Variants in TOR1AIP2 observed in about 807,000 individuals in gnomAD.
TOR1AIP2 encodes torsin 1A interacting protein 2, also known as torsin-1A-interacting protein 2.
A neutral mutation model predicts 32.6 loss-of-function variants in TOR1AIP2; 20 were observed. The ratio of observed to expected loss-of-function variants is 0.61; its 90% confidence interval spans 0.43 to 0.89. The LOEUF is 0.89. TOR1AIP2 is among the 40% of genes least tolerant of loss of function. The pLI, the probability that TOR1AIP2 is intolerant of heterozygous loss-of-function variation, is 0.00. For synonymous variants in TOR1AIP2, 214 were observed against 210.8 expected (o/e 1.02, Z -0.13); for missense variants, 456 against 553.8 (o/e 0.82, Z 1.77).
chr1:179,848,045 A>C (rs554764901), intron 5 of TOR1AIP2, among the ~76,000 whole-genome samples: 5 of 152,078 alleles, frequency 3.3e-5, no homozygotes, highest in East Asian at 1.9e-4. Flanking sequence ...AAAAAAAAAA[A>C]AAAAAAACCA....
chr1:179,846,579 C>G lies in TOR1AIP2; in HGVS notation c.905G>C (p.Arg302Pro), dbSNP rs754061455. Residue 302 changes from arginine (R) to proline (P), a missense_variant, in exon 7 of 7, where the codon CGG becomes CCG. By Grantham distance (103) the Arg-to-Pro change is moderately radical (BLOSUM62 -2). Transcript: ENST00000609928. ...GCACTTCAGGGTCTCTCTTCCCTCC[C>G]GAGCTGCTGTAAATATGATGGTGGC... The part of the protein sequence containing the change: ...EPATIIFTAA[R>P]EGRETLKCLS... The G allele has an allele frequency of 6.2e-7, 1 of 1,614,024 alleles. No homozygotes were observed. The highest frequency in any genetic ancestry group is 8.5e-7 in the Non-Finnish European group (1 of 1,180,036).
chr1:179,840,889 T>TATAGTAATAATAATAATAATA lies in TOR1AIP2; in HGVS notation c.*5181_*5182insTATTATTATTATTATTACTAT, dbSNP rs1553233706. 4.8e-5 allele frequency: 7 copies of TATAGTAATAATAATAATAATA among 146,748 alleles called. No individual in the cohort carries two copies. The highest frequency in any genetic ancestry group is 8.9e-5 in the Non-Finnish European group (6 of 67,128). 9.1% of individuals were successfully genotyped at this position (146,748 alleles called of 1,614,324 possible). A position where few individuals can be genotyped will look rare whatever the true frequency, so the allele number is the denominator to read the frequency against. On this transcript the variant is annotated 3_prime_UTR_variant, in exon 7 of 7. Transcript: ENST00000609928. ...TCCACATGTATCCCAGAACTTAAAC[T>TATAGTAATAATAATAATAATA]ATAATAATAATAATAATAATAATAA... is the stretch of plus-strand genomic sequence containing the variant.
chr1:179,868,175 T>G (rs1216446651), intron 2 of TOR1AIP2: 1 of 152,282 alleles, frequency 6.6e-6, no homozygotes, highest in Non-Finnish European at 1.5e-5. Flanking sequence ...AACACAGGAC[T>G]TCTTGGTTAT....
intron 2 of TOR1AIP2, chr1:179,868,430 C>G (rs1246218344): frequency 1.3e-5 from 2 of 152,128 alleles, no homozygotes; most frequent in South Asian, 4.1e-4. Context: ...TAAAATGTAA[C>G]TTGAATTCTT....
intron 2 of TOR1AIP2, chr1:179,867,785 CA>C (rs1268251673): frequency 9.2e-5 from 14 of 152,216 alleles, no homozygotes; most frequent in African/African-American, 3.4e-4. Flanking sequence ...TTCAGTTTTA[CA>C]ACTTCAAGAA....
At chr1:179,874,355 A>C (rs1000060533) in intron 2 of TOR1AIP2, 1 of 152,338 alleles carries the variant, frequency 6.6e-6, no homozygotes, top group East Asian at 1.9e-4. Context: ...TCAAGTTTGC[A>C]GTAAGCCATG....
intron 2 of TOR1AIP2, among the ~76,000 whole-genome samples, chr1:179,870,128 G>C (rs184945263): frequency 6.6e-5 from 10 of 152,320 alleles, no homozygotes; most frequent in Admixed American, 3.3e-4. Flanking sequence ...TGGGCACGGT[G>C]GTTTACGCCT....
intron 3 of TOR1AIP2, chr1:179,863,962 A>AAT (rs1696663755): frequency 1.0e-6 from 1 of 985,266 alleles, no homozygotes; most frequent in African/African-American, 1.7e-5. Flanking sequence ...GACTGTTCAT[A>AAT]ATATATATGA....
At chr1:179,860,436 G>T in intron 3 of TOR1AIP2, 1 of 977,828 alleles carries the variant, frequency 1.0e-6, no homozygotes, top group South Asian at 4.7e-5. Context: ...GAGCCATGAT[G>T]GCGCCACTGC....
chr1:179,848,044 A>G (rs971165336), intron 5 of TOR1AIP2, among the ~76,000 whole-genome samples: 2 of 151,932 alleles, frequency 1.3e-5, no homozygotes, highest in Non-Finnish European at 2.9e-5. Context: ...GAAAAAAAAA[A>G]AAAAAAAACC....
chr1:179,852,692 G>T lies in TOR1AIP2; in HGVS notation c.-27C>A. ...TTTGTGTTCTATCTCTTCAGAGTTG[G>T]GAGGATACTTTTTTTAGTACTTGGT... On this transcript the variant is annotated 5_prime_UTR_variant, in exon 4 of 7. Transcript: ENST00000609928. 1.9e-6 allele frequency: 3 copies of T among 1,613,826 alleles called. No individual in the cohort carries two copies. Among genetic ancestry groups the T allele is most frequent in the Non-Finnish European group, 2.5e-6 (3 of 1,179,868 alleles).
intron 2 of TOR1AIP2, among the ~76,000 whole-genome samples, chr1:179,873,529 A>G (rs988038901): frequency 3.0e-4 from 45 of 152,358 alleles, no homozygotes; most frequent in African/African-American, 1.1e-3. Context: ...TTGTTAACAT[A>G]GTACCTCCAC....
At chr1:179,852,436 T>C (rs1696152591) in intron 4 of TOR1AIP2, among the ~76,000 whole-genome samples, 196 bp downstream of exon 4, 1 of 152,232 alleles carries the variant, frequency 6.6e-6, no homozygotes, top group African/African-American at 2.4e-5. Flanking sequence ...TTTATCTTCC[T>C]TATATTATAA....
chr1:179,860,291 T>C, intron 3 of TOR1AIP2: 1 of 816,134 alleles, frequency 1.2e-6, no homozygotes, highest in Non-Finnish European at 1.5e-6. Context: ...AAGACCAGCT[T>C]GGGCAACATG....
intron 3 of TOR1AIP2, chr1:179,861,471 T>C (rs941980625): frequency 4.1e-6 from 4 of 972,120 alleles, no homozygotes; most frequent in Non-Finnish European, 4.9e-6. Flanking sequence ...AGGTATGTGA[T>C]GTTTGAAGGC....
intron 5 of TOR1AIP2, 93 bp from the exon 6 acceptor site, chr1:179,847,729 G>T: frequency 3.4e-6 from 3 of 894,172 alleles, no homozygotes; most frequent in South Asian, 1.4e-5. Flanking sequence ...AGAATGATTT[G>T]ACTAAAAGGC....
At chr1:179,873,001 G>T (rs1486417126) in intron 2 of TOR1AIP2, among the ~76,000 whole-genome samples, 1 of 152,166 alleles carries the variant, frequency 6.6e-6, no homozygotes, top group Non-Finnish European at 1.5e-5. Context: ...TCGAAAACAA[G>T]AAATCAACAT....
chr1:179,860,044 C>T, intron 3 of TOR1AIP2: 4 of 775,128 alleles, frequency 5.2e-6, no homozygotes, highest in Non-Finnish European at 6.3e-6. Flanking sequence ...TTGGGGGTCT[C>T]ACTATGTTGC....
At chr1:179,860,275 G>A (rs1029299037) in intron 3 of TOR1AIP2, 6 of 901,492 alleles carry the variant, frequency 6.7e-6, no homozygotes, top group South Asian at 5.1e-5. Context: ...TTGAGGCCAG[G>A]AGCTCAAGAC....
Sources: gnomAD v4.1 joint callset for allele counts (sites outside exome capture counted in the v4.1 genomes callset) on GRCh38, gnomAD v4.1.1 for gene constraint, MANE v1.5 for transcripts, NCBI Gene and HGNC (gene_info 2026-07-23, HGNC 2026-07-21) for gene names.